CD109: variants seen among roughly 807,000 people sequenced by gnomAD.
CD109 encodes CD109 antigen.
A neutral mutation model predicts 165.8 loss-of-function variants in CD109; 149 were observed. The observed-to-expected ratio is 0.90, with a 90% confidence interval of 0.79 to 1.03. The LOEUF (loss-of-function observed/expected upper bound fraction) is 1.03. Among genes scored for constraint, CD109 ranks in the 50% least tolerant of loss-of-function variants. The pLI, the probability that CD109 is intolerant of heterozygous loss-of-function variation, is 0.00. For synonymous variants in CD109, 585 were observed against 592.1 expected (o/e 0.99, Z 0.18); for missense variants, 1,712 against 1,677.8 (o/e 1.02, Z -0.36).
intron 3 of CD109, among the ~76,000 whole-genome samples, chr6:73,725,805 G>T (rs1311605555): frequency 2.0e-5 from 3 of 152,062 alleles, no homozygotes; most frequent in Non-Finnish European, 4.4e-5. Context: ...AAGCCACTGC[G>T]CCCAGCCTAC....
rs148266105 is a variant in CD109 at position 73,734,065 on chromosome 6, G to A, written c.508-2318G>A. On this transcript the variant is annotated intron_variant, in intron 4 of 32. Coordinates refer to ENST00000287097, the MANE Select transcript of CD109 (RefSeq NM_133493.5). ...GGCTGTGTCGTAGCAGCAGATGGCC[G>A]CATGCAAATGCTGGGCTCCGCTGTG... Among the ~76,000 whole-genome samples the A allele has an allele frequency of 2.5e-3, 376 of 152,292 alleles. 2 individuals carry two copies. Among genetic ancestry groups the A allele is most frequent in the African/African-American group, 8.7e-3 (360 of 41,576 alleles).
At position 73,825,914 on chromosome 6, in the gene CD109, G is replaced by A. The variant is rs1329771228; in HGVS notation, c.*2281G>A. 1 of 152,268 alleles carries A rather than the reference G, an allele frequency of 6.6e-6. No homozygotes were observed. The highest frequency in any genetic ancestry group is 1.5e-5 in the Non-Finnish European group (1 of 68,132). 9.4% of individuals were successfully genotyped at this position (152,268 alleles called of 1,614,324 possible). A position where few individuals can be genotyped will look rare whatever the true frequency, so the allele number is the denominator to read the frequency against. On this transcript the variant is annotated 3_prime_UTR_variant, in exon 33 of 33. Transcript: ENST00000287097. ...AATCACTTGAACCTGAGAGACAGAG[G>A]TTGCAGTGAGCCGAGATCACGCCAC...
At chr6:73,683,080 T>G in the CD109 span, among the ~76,000 whole-genome samples, 1 of 152,222 alleles carries the variant, frequency 6.6e-6, no homozygotes, top group South Asian at 2.1e-4. Flanking sequence ...TGATTAACAT[T>G]CAGCTCCTCA....
chr6:73,724,217 C>T (rs1466548681), intron 3 of CD109, among the ~76,000 whole-genome samples: 1 of 152,172 alleles, frequency 6.6e-6, no homozygotes, highest in Non-Finnish European at 1.5e-5. Flanking sequence ...ACTCACCTCA[C>T]CATAGCCCTG....
In CD109 at chr6:73,800,749, T is replaced by G. The variant is rs533182398; in HGVS notation, c.2879-2471T>G. Among the ~76,000 whole-genome samples, 4 of 152,328 alleles carry G rather than the reference T, an allele frequency of 2.6e-5. No individual in the cohort carries two copies. In the East Asian group the frequency reaches 7.7e-4, roughly 29 times the overall value. ...TGTGACTTATCTGTTTTGCCTTTTA[T>G]TCACTTATTTTTATAGGGCTTTTTA... On this transcript the variant is annotated intron_variant, in intron 23 of 32. Coordinates refer to ENST00000287097, the MANE Select transcript of CD109 (RefSeq NM_133493.5).
intron 15 of CD109, among the ~76,000 whole-genome samples, chr6:73,777,863 T>C (rs1197241079): frequency 1.3e-5 from 2 of 152,232 alleles, no homozygotes; most frequent in African/African-American, 4.8e-5. Context: ...TCCAGCTTTG[T>C]TCTTTTTGCT....
chr6:73,803,589 A>T (rs1023598369), intron 24 of CD109, among the ~76,000 whole-genome samples: 1 of 151,888 alleles, frequency 6.6e-6, no homozygotes, highest in African/African-American at 2.4e-5. Flanking sequence ...TGCAGCTGAT[A>T]AAATCAGTTA....
intron 20 of CD109, among the ~76,000 whole-genome samples, chr6:73,786,778 T>C (rs1774711526): frequency 1.3e-5 from 2 of 152,180 alleles, no homozygotes; most frequent in African/African-American, 2.4e-5. Context: ...AATATCTGAG[T>C]TGTACTTTCC....
intron 5 of CD109, among the ~76,000 whole-genome samples, chr6:73,753,603 A>G (rs1773277367): frequency 6.6e-6 from 1 of 152,168 alleles, no homozygotes; most frequent in East Asian, 1.9e-4. Flanking sequence ...CCCACTTCCA[A>G]AATGTTTTCT....
Position 73,766,015 on chromosome 6 carries a change from A to G in CD109, c.1193A>G (p.Tyr398Cys), listed in dbSNP as rs1562054659. ...GTCATAACAGTGACACAGAGAAACT[A>G]TACTGAGTACTGGAGCGGATCTAAC... ...NVVITVTQRN[Y>C]TEYWSGSNSG... The change falls in exon 11 of 33, where the codon TAT becomes TGT. Residue 398 changes from tyrosine (Y) to cysteine (C), a missense_variant. Transcript: ENST00000287097. 10 of 1,614,066 alleles carry G rather than the reference A, an allele frequency of 6.2e-6. No homozygotes were observed. In the East Asian group the frequency reaches 2.0e-4, roughly 32 times the overall value.
At chr6:73,801,360 C>G (rs1207386965) in intron 23 of CD109, among the ~76,000 whole-genome samples, 1 of 152,224 alleles carries the variant, frequency 6.6e-6, no homozygotes, top group African/African-American at 2.4e-5. Context: ...CAGTTCCTGA[C>G]ATCTAATGAG....
At chr6:73,692,628 G>A (rs1435307846), upstream of CD109, among the ~76,000 whole-genome samples, 1 of 151,960 alleles carries the variant, frequency 6.6e-6, no homozygotes, top group East Asian at 1.9e-4. Context: ...ATATGGTTTG[G>A]CTGTGTCCCC....
At position 73,711,836 on chromosome 6, in the gene CD109, C is replaced by CTT. The variant is rs1771549294; in HGVS notation, c.248-11414_248-11413insTT. Among the ~76,000 whole-genome samples, 4 of 15,218 alleles carry CTT rather than the reference C, an allele frequency of 2.6e-4. 1 individual carries two copies. The highest frequency in any genetic ancestry group is 7.1e-4 in the East Asian group (1 of 1,412). 10.0% of individuals were successfully genotyped at this position (15,218 alleles called of 152,430 possible). On this transcript the variant is annotated intron_variant, in intron 2 of 32. Coordinates refer to ENST00000287097, the MANE Select transcript of CD109 (RefSeq NM_133493.5). ...ACAGGCGTGAGCCACCGCGCCCGGC[C>CTT]TAAGTTTTTAAAATATTTTATTTTT...
chr6:73,814,415 A>G (rs779678476), intron 29 of CD109, among the ~76,000 whole-genome samples: 2 of 152,080 alleles, frequency 1.3e-5, no homozygotes, highest in African/African-American at 2.4e-5. Context: ...CAGTGTGTCT[A>G]CGGCACCTTT....
chr6:73,728,939 TG>T (rs1196528666), intron 3 of CD109, among the ~76,000 whole-genome samples: 2 of 152,250 alleles, frequency 1.3e-5, no homozygotes, highest in African/African-American at 4.8e-5. Flanking sequence ...ACAATATGGT[TG>T]GGCATTTCTG....
chr6:73,698,672 A>G (rs1770947414), intron 2 of CD109, among the ~76,000 whole-genome samples: 1 of 152,214 alleles, frequency 6.6e-6, no homozygotes, highest in Non-Finnish European at 1.5e-5. Flanking sequence ...CTGGAAGTTC[A>G]CTGGGTAGGT....
chr6:73,757,524 A>G (rs1230796605), intron 6 of CD109, among the ~76,000 whole-genome samples: 1 of 152,140 alleles, frequency 6.6e-6, no homozygotes, highest in Non-Finnish European at 1.5e-5. Flanking sequence ...ATTGTAAAAA[A>G]TGTTCTTGGT....
chr6:73,808,041 G>T (rs1460780616), intron 25 of CD109, 42 bp from the exon 26 acceptor site: 2 of 1,571,232 alleles, frequency 1.3e-6, no homozygotes, highest in South Asian at 1.1e-5. Flanking sequence ...TGTGGTAATG[G>T]GTTACTCTGA....
intron 26 of CD109, among the ~76,000 whole-genome samples, 156 bp from the exon 27 acceptor site, chr6:73,809,828 A>T (rs1775689645): frequency 6.6e-6 from 1 of 152,170 alleles, no homozygotes; most frequent in African/African-American, 2.4e-5. Context: ...TGTTTGTGAT[A>T]AATAAATACA....
Sources: allele counts gnomAD v4.1 joint callset (sites outside exome capture counted in the v4.1 genomes callset), GRCh38; gene constraint gnomAD v4.1.1; transcripts MANE v1.5; gene names NCBI Gene and HGNC (gene_info 2026-07-23, HGNC 2026-07-21).